Variants in STOX1 observed in about 807,000 individuals in gnomAD.
The protein encoded by STOX1 is storkhead box 1.
STOX1 carries 57 observed loss-of-function variants against 74.8 expected under a neutral mutation model. The observed-to-expected ratio is 0.76, with a 90% confidence interval of 0.62 to 0.95. STOX1 has a LOEUF of 0.95. Ranked by LOEUF, STOX1 falls within the 40% of genes least tolerant of loss-of-function variation. The pLI, the probability that STOX1 is intolerant of heterozygous loss-of-function variation, is 0.00. For missense variants in STOX1, 1,010 were observed against 1,117.0 expected, an observed-to-expected ratio of 0.90 and a Z score of 1.37; for synonymous variants, 375 against 401.3, an observed-to-expected ratio of 0.93 and a Z score of 0.78.
chr10:68,876,083 G>A (rs188492140), intron 1 of STOX1, among the ~76,000 whole-genome samples: 12 of 145,502 alleles, frequency 8.2e-5, no homozygotes, highest in Admixed American at 2.1e-4. Flanking sequence ...TTTTTGTGGC[G>A]GTGAGGAGTG....
At chr10:68,881,416 A>G (rs1304630011) in intron 1 of STOX1, among the ~76,000 whole-genome samples, 1 of 152,204 alleles carries the variant, frequency 6.6e-6, no homozygotes, top group Non-Finnish European at 1.5e-5. Flanking sequence ...GCCTTTCTTC[A>G]AATCTTCCTG....
chr10:68,880,849 G>A (rs554926320), intron 1 of STOX1, among the ~76,000 whole-genome samples: 5 of 151,798 alleles, frequency 3.3e-5, no homozygotes, highest in African/African-American at 9.7e-5. Context: ...GCCCGCCACC[G>A]TGTCCGGCTA....
intron 1 of STOX1, among the ~76,000 whole-genome samples, chr10:68,829,415 G>A (rs1030603223): frequency 6.6e-6 from 1 of 152,204 alleles, no homozygotes; most frequent in African/African-American, 2.4e-5. Context: ...TACTTGGGAG[G>A]CTGAGGCAGG....
At chr10:68,828,728 A>G (rs193252699) in intron 1 of STOX1, among the ~76,000 whole-genome samples, 1 of 152,214 alleles carries the variant, frequency 6.6e-6, no homozygotes, top group Non-Finnish European at 1.5e-5. Context: ...TCTGCAGCGA[A>G]CGGCATTCTG....
chr10:68,874,013 C>CTTTTTTTTT lies in STOX1; in HGVS notation c.311-7930_311-7922dup, dbSNP rs1160388935. 9.1e-3 allele frequency among the ~76,000 whole-genome samples: 235 copies of CTTTTTTTTT among 25,752 alleles called. 61 individuals are homozygous for CTTTTTTTTT. Among genetic ancestry groups the CTTTTTTTTT allele is most frequent in the African/African-American group, 0.032 (177 of 5,536 alleles). The allele number at this position is 25,752 out of a possible 152,430, so 16.9% of individuals were successfully genotyped here. ...GAAAAATTGCAGATAGCTAGGTAGC[C>CTTTTTTTTT]TTTTTTTTTTTTTTTTTTTTTTTGC... is the stretch of plus-strand genomic sequence containing the variant. On this transcript the variant is annotated intron_variant, in intron 1 of 3. Transcript: ENST00000298596.
At chr10:68,887,963 A>C (rs970611951) in intron 3 of STOX1, among the ~76,000 whole-genome samples, 5 of 151,854 alleles carry the variant, frequency 3.3e-5, no homozygotes, top group African/African-American at 1.2e-4. Context: ...TAGCCATGAT[A>C]GAACACTTAA....
chr10:68,889,877 T>A (rs998907877), intron 3 of STOX1, among the ~76,000 whole-genome samples: 7 of 151,242 alleles, frequency 4.6e-5, no homozygotes, highest in Middle Eastern at 3.5e-3. Context: ...CCTTTTTTTT[T>A]CCTTGCCTCA....
chr10:68,869,030 T>G (rs1254998572), intron 1 of STOX1, among the ~76,000 whole-genome samples: 1 of 152,222 alleles, frequency 6.6e-6, no homozygotes, highest in Non-Finnish European at 1.5e-5. Context: ...CACTATTCCT[T>G]TATTTATCCC....
At chr10:68,893,746 G>A (rs1841146613), downstream of STOX1, among the ~76,000 whole-genome samples, 1 of 152,224 alleles carries the variant, frequency 6.6e-6, no homozygotes, top group South Asian at 2.1e-4. Context: ...GCAGTGAGAA[G>A]TCAGATGGTG....
At chr10:68,835,600 C>T (rs1223089943) in intron 1 of STOX1, among the ~76,000 whole-genome samples, 1 of 152,014 alleles carries the variant, frequency 6.6e-6, no homozygotes, top group African/African-American at 2.4e-5. Flanking sequence ...TGAACGTCTT[C>T]CTGCCTCTGC....
intron 1 of STOX1, among the ~76,000 whole-genome samples, chr10:68,854,009 T>C (rs12268339): frequency 0.023 from 3,465 of 151,560 alleles, 158 homozygotes; most frequent in African/African-American, 0.079. Flanking sequence ...TTTCTTTTTC[T>C]TTTTAGACAG....
chr10:68,882,741 C>A (rs1443483501), intron 2 of STOX1, among the ~76,000 whole-genome samples: 1 of 152,168 alleles, frequency 6.6e-6, no homozygotes, highest in East Asian at 1.9e-4. Context: ...TCATGATCCA[C>A]CCGCCTTGGC....
intron 1 of STOX1, among the ~76,000 whole-genome samples, chr10:68,846,019 G>A (rs1406423225): frequency 6.6e-6 from 1 of 151,894 alleles, no homozygotes; most frequent in Non-Finnish European, 1.5e-5. Context: ...GATTACAAGT[G>A]TGAGCCACTG....
intron 1 of STOX1, among the ~76,000 whole-genome samples, chr10:68,863,986 G>A (rs7912812): frequency 0.018 from 2,739 of 149,488 alleles, 97 homozygotes; most frequent in African/African-American, 0.062. Context: ...GTGCAGTGGC[G>A]CGATCTCGGC....
chr10:68,893,486 C>T (rs1332681116), downstream of STOX1, among the ~76,000 whole-genome samples: 5 of 152,194 alleles, frequency 3.3e-5, no homozygotes, highest in South Asian at 4.1e-4. Context: ...CGCACAATCT[C>T]GGCTCACTGC....
chr10:68,887,111 C>G (rs1351504824), intron 3 of STOX1, among the ~76,000 whole-genome samples: 1 of 151,920 alleles, frequency 6.6e-6, no homozygotes, highest in Non-Finnish European at 1.5e-5. Flanking sequence ...TAGTAGGATA[C>G]AGTTTATTTT....
At chr10:68,831,610 T>C (rs1009283830) in intron 1 of STOX1, among the ~76,000 whole-genome samples, 1 of 152,164 alleles carries the variant, frequency 6.6e-6, no homozygotes. Context: ...AGTCCAACTG[T>C]GCTGCCTTGG....
chr10:68,828,287 A>G, intron 1 of STOX1: 1 of 1,102,678 alleles, frequency 9.1e-7, no homozygotes, highest in Non-Finnish European at 1.1e-6. Context: ...CGGGACCCGG[A>G]GGGGAGGGGC....
intron 1 of STOX1, among the ~76,000 whole-genome samples, chr10:68,833,117 A>C (rs1263679051): frequency 1.7e-5 from 2 of 119,980 alleles, no homozygotes; most frequent in Admixed American, 1.1e-4. Flanking sequence ...ACAGAGTCTC[A>C]CTCTGTCGCC....
Sources: gnomAD v4.1 joint callset for allele counts (sites outside exome capture counted in the v4.1 genomes callset) on GRCh38, gnomAD v4.1.1 for gene constraint, MANE v1.5 for transcripts, NCBI Gene and HGNC (gene_info 2026-07-23, HGNC 2026-07-21) for gene names.